Variants in DGAT2 observed in about 807,000 individuals in gnomAD.
DGAT2 encodes the protein diacylglycerol O-acyltransferase 2, also known as acyl-CoA retinol O-fatty-acyltransferase.
DGAT2 carries 33 observed loss-of-function variants against 48.4 expected under a neutral mutation model. The ratio of observed to expected loss-of-function variants is 0.68; its 90% confidence interval spans 0.52 to 0.91. The LOEUF is 0.91. Among genes scored for constraint, DGAT2 ranks in the 40% least tolerant of loss-of-function variants. DGAT2 has a pLI of 0.00. For synonymous variants in DGAT2, 191 were observed against 194.1 expected (o/e 0.98, Z 0.13); for missense variants, 446 against 493.7 (o/e 0.90, Z 0.92).
chr11:75,790,670 G>C lies in DGAT2; in HGVS notation c.368G>C (p.Arg123Thr). The change falls in exon 4 of 8, where the codon AGG becomes ACG. Residue 123 changes from arginine to threonine, a missense_variant. By Grantham distance (71) the Arg-to-Thr change is moderately conservative. Transcript: ENST00000228027. ...DWNTPKKGGR[R>T]SQWVRNWAVW... ...TTTTATTCCCTGGAAGGTGGCAGGAGGTCACAGTGGGTCCGAAACTGGGCT... is the reference window on the plus strand; with the variant it reads ...TTTTATTCCCTGGAAGGTGGCAGGACGTCACAGTGGGTCCGAAACTGGGCT... 6.2e-7 allele frequency: 1 copy of C among 1,614,118 alleles called. No individual in the cohort carries two copies.
intron 1 of DGAT2, among the ~76,000 whole-genome samples, chr11:75,778,193 A>AC (rs201552843): frequency 4.0e-5 from 6 of 150,822 alleles, no homozygotes; most frequent in African/African-American, 1.5e-4. Context: ...GCAGTCACTC[A>AC]CCCCCCTTTC....
intron 2 of DGAT2, among the ~76,000 whole-genome samples, chr11:75,789,427 G>C (rs1201259248): frequency 6.6e-6 from 1 of 152,166 alleles, no homozygotes; most frequent in African/African-American, 2.4e-5. Flanking sequence ...TGGGATTACG[G>C]GTGTGAGCCA....
rs1320661760 is a variant in DGAT2, at chr11:75,801,416, G to T, written c.*908G>T. The T allele has an allele frequency of 6.5e-6, 1 of 152,686 alleles. No individual in the cohort carries two copies. Among genetic ancestry groups the T allele is most frequent in the Non-Finnish European group, 1.5e-5 (1 of 68,082 alleles). The allele number at this position is 152,686 out of a possible 1,614,324, so 9.5% of individuals were successfully genotyped here. A position where few individuals can be genotyped will look rare whatever the true frequency, so the allele number is the denominator to read the frequency against. On this transcript the variant is annotated 3_prime_UTR_variant, in exon 8 of 8. Coordinates refer to ENST00000228027, the MANE Select transcript of DGAT2 (RefSeq NM_032564.5). Reference sequence around the variant, plus strand: ...TCACTTTTCTGTGCCTTCCTGAGGGGGTTGGGCCGGGGAGGAAACCCAACC... The same window carrying T: ...TCACTTTTCTGTGCCTTCCTGAGGGTGTTGGGCCGGGGAGGAAACCCAACC...
intron 2 of DGAT2, 144 bp downstream of exon 2, chr11:75,784,890 T>C: frequency 1.7e-6 from 2 of 1,172,596 alleles, no homozygotes; most frequent in South Asian, 1.6e-5. Flanking sequence ...TCCACATCTA[T>C]CTTTTGGGTC....
chr11:75,792,993 T>C (rs1247852360), intron 4 of DGAT2: 1 of 152,190 alleles, frequency 6.6e-6, no homozygotes, highest in Non-Finnish European at 1.5e-5. Context: ...TGCTCTTCTG[T>C]GGGTCTGAAT....
intron 2 of DGAT2, among the ~76,000 whole-genome samples, chr11:75,788,071 C>T (rs912817300): frequency 6.6e-5 from 10 of 152,154 alleles, no homozygotes; most frequent in African/African-American, 2.4e-4. Context: ...CCCTCTGGTC[C>T]TTTTACCCCT....
chr11:75,784,850 ACT>A, intron 2 of DGAT2, 104 bp downstream of exon 2: 1 of 1,479,834 alleles, frequency 6.8e-7, no homozygotes, highest in Admixed American at 1.9e-5. Context: ...AATAAGAGTA[ACT>A]CTTACACATG....
intron 2 of DGAT2, among the ~76,000 whole-genome samples, chr11:75,787,605 G>T (rs1264051455): frequency 1.3e-5 from 2 of 152,214 alleles, no homozygotes; most frequent in Non-Finnish European, 2.9e-5. Context: ...CAGCAACAGT[G>T]GTTTTTACTG....
chr11:75,792,164 C>G (rs1944996262), intron 4 of DGAT2: 1 of 152,252 alleles, frequency 6.6e-6, no homozygotes, highest in Admixed American at 6.5e-5. Flanking sequence ...GGCAGGTGTC[C>G]TTTGCTATCT....
In DGAT2 at chr11:75,800,406, C is replaced by T. The variant is rs768756525; in HGVS notation, c.1065C>T (p.Ile355=). ...PKLEHPTQQD[I]DLYHTMYMEA... is the part of the protein sequence containing the mutation. ...TGGAGCACCCAACCCAGCAAGACAT[C>T]GACCTGTACCACACCATGTACATGG... is the stretch of plus-strand genomic sequence containing the variant. The change falls in exon 8 of 8, where the codon ATC becomes ATT. Residue 355 remains isoleucine, a synonymous_variant. Coordinates refer to ENST00000228027, the MANE Select transcript of DGAT2 (RefSeq NM_032564.5). The T allele has an allele frequency of 7.4e-5, 120 of 1,614,060 alleles. No individual in the cohort carries two copies. The highest frequency in any genetic ancestry group is 9.4e-5 in the Non-Finnish European group (111 of 1,180,038).
intron 3 of DGAT2, among the ~76,000 whole-genome samples, 168 bp from the exon 4 acceptor site, chr11:75,790,493 G>A (rs183499012): frequency 6.6e-6 from 1 of 152,166 alleles, no homozygotes; most frequent in Non-Finnish European, 1.5e-5. Context: ...ACACTCAGTC[G>A]AGGGTTTGCA....
chr11:75,797,346 T>G lies in DGAT2; in HGVS notation c.809+14T>G. 1.4e-6 allele frequency: 2 copies of G among 1,441,272 alleles called. No homozygotes were observed. 89.3% of individuals were successfully genotyped at this position (1,441,272 alleles called of 1,614,324 possible). A position where few individuals can be genotyped will look rare whatever the true frequency, so the allele number is the denominator to read the frequency against. ...CCTGCGTCATGGGTGAGTGCCTCCC[T>G]ACACACACACACACCCCTCCAGTGC... On this transcript the variant is annotated intron_variant, in intron 6 of 7. Transcript: ENST00000228027.
chr11:75,789,003 G>A (rs999939407), intron 2 of DGAT2, among the ~76,000 whole-genome samples: 3 of 152,306 alleles, frequency 2.0e-5, no homozygotes, highest in East Asian at 3.9e-4. Context: ...AGCTAGTGGC[G>A]AGCCATGAGA....
intron 1 of DGAT2, among the ~76,000 whole-genome samples, chr11:75,777,101 G>T (rs1944809958): frequency 6.6e-6 from 1 of 152,186 alleles, no homozygotes; most frequent in South Asian, 2.1e-4. Context: ...GGGCCCAGGT[G>T]TGGCATCCTT....
chr11:75,800,570 A>C lies in DGAT2; in HGVS notation c.*62A>C. The C allele has an allele frequency of 6.4e-7, 1 of 1,568,884 alleles. No homozygotes were observed. Among genetic ancestry groups the C allele is most frequent in the African/African-American group, 1.4e-5 (1 of 73,728 alleles). On this transcript the variant is annotated 3_prime_UTR_variant, in exon 8 of 8. Transcript: ENST00000228027. ...TGCAAATCACTTTTTTGCTCTGTAA[A>C]TTTGGAAGTGTCATGGGTGTCTGTG...
intron 4 of DGAT2, chr11:75,794,770 T>C (rs912897053): frequency 6.6e-6 from 1 of 152,218 alleles, no homozygotes; most frequent in African/African-American, 2.4e-5. Flanking sequence ...TTGTGGGTTT[T>C]GAAAAAGAGC....
rs7934862 is a variant in DGAT2 at position 75,768,819 on chromosome 11, C to A, written c.-173C>A. 1 of 810,278 alleles carries A rather than the reference C, an allele frequency of 1.2e-6. No individual in the cohort carries two copies. Among genetic ancestry groups the A allele is most frequent in the Non-Finnish European group, 1.7e-6 (1 of 579,688 alleles). The allele number at this position is 810,278 out of a possible 1,614,324, so 50.2% of individuals were successfully genotyped here. On this transcript the variant is annotated 5_prime_UTR_variant, in exon 1 of 8. Transcript: ENST00000228027. ...CTGCTGGGGTCTAGGCTGTTTCTCTCGCGCCACCACTGGCCGCCGGCCGCA... is the reference window on the plus strand; with the variant it reads ...CTGCTGGGGTCTAGGCTGTTTCTCTAGCGCCACCACTGGCCGCCGGCCGCA...
chr11:75,799,727 CCTCAGCCTCCTGA>C (rs1945092167), intron 7 of DGAT2, among the ~76,000 whole-genome samples: 1 of 152,050 alleles, frequency 6.6e-6, no homozygotes, highest in African/African-American at 2.4e-5. Flanking sequence ...GATCCTCCCA[CCTCAGCCTCCTGA>C]GTAGCTGGGA....
chr11:75,799,557 C>T (rs1945089777), intron 7 of DGAT2, among the ~76,000 whole-genome samples: 1 of 151,838 alleles, frequency 6.6e-6, no homozygotes, highest in Admixed American at 6.6e-5. Flanking sequence ...AAGCAACGCA[C>T]AGATCATAAA....
Sources: gnomAD v4.1 joint callset for allele counts (sites outside exome capture counted in the v4.1 genomes callset) on GRCh38, gnomAD v4.1.1 for gene constraint, MANE v1.5 for transcripts, NCBI Gene and HGNC (gene_info 2026-07-23, HGNC 2026-07-21) for gene names.